HS3ST5: variants seen among roughly 807,000 people sequenced by gnomAD.
HS3ST5 encodes heparan sulfate glucosamine 3-O-sulfotransferase 5.
A neutral mutation model predicts 25.4 loss-of-function variants in HS3ST5; 10 were observed. The observed-to-expected ratio is 0.39, with a 90% CI of 0.24 to 0.67. The LOEUF (loss-of-function observed/expected upper bound fraction) is 0.67. HS3ST5 is among the 30% of genes least tolerant of loss of function. The probability of loss-of-function intolerance (pLI) is 0.44; values close to 1 mark genes in which losing one functional copy is unlikely to be tolerated. For missense variants in HS3ST5, 324 were observed against 420.7 expected (o/e 0.77, Z 2.01); for synonymous variants, 170 against 162.4 (o/e 1.05, Z -0.36).
chr6:114,183,000 T>A (rs1244499349), intron 2 of HS3ST5, among the ~76,000 whole-genome samples: 1 of 152,082 alleles, frequency 6.6e-6, no homozygotes, highest in Non-Finnish European at 1.5e-5. Flanking sequence ...ATTGTTCATC[T>A]TCTACCCTTG....
chr6:114,145,900 T>C (rs1219258039), intron 3 of HS3ST5, among the ~76,000 whole-genome samples: 1 of 152,204 alleles, frequency 6.6e-6, no homozygotes, highest in African/African-American at 2.4e-5. Flanking sequence ...GTGATCTTAA[T>C]TGAACTGATA....
rs1775331427 is a variant in HS3ST5 at position 114,094,782 on chromosome 6, T to A, written c.-32-31905A>T. Among the ~76,000 whole-genome samples, 3 of 152,326 alleles carry A rather than the reference T, an allele frequency of 2.0e-5. No homozygotes were observed. In the South Asian group the frequency reaches 6.2e-4, roughly 32 times the overall value. On this transcript the variant is annotated intron_variant, in intron 3 of 4. Transcript: ENST00000312719. ...CCTCCCCGTGAGTATGGGCAGAACC[T>A]GTGACTTGTGTCTAGCCCACATAGC...
chr6:114,214,218 A>G (rs1781647038), intron 2 of HS3ST5, among the ~76,000 whole-genome samples: 1 of 152,254 alleles, frequency 6.6e-6, no homozygotes, highest in South Asian at 2.1e-4. Context: ...GACAAGTTGC[A>G]GAGTTCCTGT....
Position 114,098,426 on chromosome 6 carries a change from G to C in HS3ST5, c.-32-35549C>G, listed in dbSNP as rs930116928. 2.0e-5 allele frequency among the ~76,000 whole-genome samples: 3 copies of C among 149,830 alleles called. No individual in the cohort carries two copies. The East Asian group carries it at 5.8e-4, about 29-fold the overall frequency. ...ATGTATTAATATTATATTAAATATA[G>C]ATGATAAATTAATATTGTCTATATT... On this transcript the variant is annotated intron_variant, in intron 3 of 4. Transcript: ENST00000312719.
intron 1 of HS3ST5, among the ~76,000 whole-genome samples, chr6:114,338,642 T>A (rs1239388237): frequency 6.6e-6 from 1 of 152,104 alleles, no homozygotes; most frequent in Non-Finnish European, 1.5e-5. Context: ...TGAAATGTTT[T>A]TTACTTAGAT....
chr6:114,266,931 C>G (rs772402841), intron 1 of HS3ST5, among the ~76,000 whole-genome samples: 102 of 152,262 alleles, frequency 6.7e-4, no homozygotes, highest in Non-Finnish European at 1.1e-3. Context: ...TCAAGATACA[C>G]TTTTTGGTAC....
chr6:114,079,665 G>T (rs983076363), intron 3 of HS3ST5, among the ~76,000 whole-genome samples: 3 of 152,194 alleles, frequency 2.0e-5, no homozygotes, highest in African/African-American at 7.2e-5. Flanking sequence ...GTTCTTAATA[G>T]CAGCTAGAAT....
At chr6:114,195,857 C>T (rs1401014279) in intron 2 of HS3ST5, among the ~76,000 whole-genome samples, 1 of 152,098 alleles carries the variant, frequency 6.6e-6, no homozygotes, top group African/African-American at 2.4e-5. Context: ...GGAACTTGTA[C>T]AGAAGGCCTT....
chr6:114,068,017 C>T (rs1348803584), intron 3 of HS3ST5, among the ~76,000 whole-genome samples: 1 of 151,496 alleles, frequency 6.6e-6, no homozygotes, highest in Non-Finnish European at 1.5e-5. Flanking sequence ...GTGCATTGTG[C>T]AAAAATGAAA....
At chr6:114,092,067 G>A (rs761675695) in intron 3 of HS3ST5, among the ~76,000 whole-genome samples, 7 of 152,176 alleles carry the variant, frequency 4.6e-5, no homozygotes, top group Non-Finnish European at 8.8e-5. Context: ...GATTCAACAG[G>A]CCAAAAAGAG....
intron 4 of HS3ST5, 33 bp from the exon 5 acceptor site, chr6:114,058,223 T>C (rs1242307270): frequency 6.6e-7 from 1 of 1,503,850 alleles, no homozygotes. Context: ...TTAAGCTCAT[T>C]GCAACTAACT....
At chr6:114,277,431 T>C (rs1773909403) in intron 1 of HS3ST5, among the ~76,000 whole-genome samples, 1 of 147,738 alleles carries the variant, frequency 6.8e-6, no homozygotes, top group Admixed American at 6.7e-5. Context: ...ACATTACTTT[T>C]AATGGCAAAA....
rs751601233 is a variant in HS3ST5, at chr6:114,057,681, G to A, written c.617C>T (p.Thr206Ile). ...GGCCAGCTTCTCAAACTTGTAATAA[G>A]TTTTGTTCTTCCTCTCCTTCCCCTC... Reference protein sequence around the residue: ...VLEGKERKNKTYYKFEKLAID... With the variant: ...VLEGKERKNKIYYKFEKLAID... The change falls in exon 5 of 5, where the codon ACT becomes ATT. Residue 206 changes from threonine (T) to isoleucine (I), a missense_variant. Physicochemically the swap from Thr to Ile is moderately conservative, Grantham distance 89 (BLOSUM62 -1). This residue lies in a region of HS3ST5 where 203 missense variants were observed against 303.4 expected (regional missense o/e 0.67). Coordinates refer to ENST00000312719, the MANE Select transcript of HS3ST5 (RefSeq NM_153612.4). 2 of 1,614,160 alleles carry A rather than the reference G, an allele frequency of 1.2e-6. No individual in the cohort carries two copies. Among genetic ancestry groups the A allele is most frequent in the South Asian group, 2.2e-5 (2 of 91,084 alleles).
At chr6:114,299,426 T>C (rs1052099251) in intron 1 of HS3ST5, among the ~76,000 whole-genome samples, 3 of 152,164 alleles carry the variant, frequency 2.0e-5, no homozygotes, top group African/African-American at 4.8e-5. Flanking sequence ...TTCTATTACC[T>C]TGTGAAGTAT....
intron 2 of HS3ST5, among the ~76,000 whole-genome samples, chr6:114,218,818 AT>A (rs890861636): frequency 1.3e-4 from 20 of 150,656 alleles, no homozygotes; most frequent in East Asian, 9.7e-4. Context: ...TTTTAAATCT[AT>A]TTTTTTTTGC....
In HS3ST5 at chr6:114,248,217, A is replaced by ATAT. The variant is rs1554221874; in HGVS notation, c.-338-19440_-338-19439insATA. 4.6e-3 allele frequency among the ~76,000 whole-genome samples: 654 copies of ATAT among 143,144 alleles called. 5 individuals are homozygous for ATAT. Among genetic ancestry groups the ATAT allele is most frequent in the Middle Eastern group, 7.5e-3 (2 of 268 alleles). 93.9% of individuals were successfully genotyped at this position (143,144 alleles called of 152,430 possible). On this transcript the variant is annotated intron_variant, in intron 1 of 4. Transcript: ENST00000312719. ...TTCCATCTCAAAAAATGAAAAAAAA[A>ATAT]ATATATATATATATATATATAAAAT...
chr6:114,170,025 G>A (rs538678889), intron 2 of HS3ST5, among the ~76,000 whole-genome samples: 1 of 152,260 alleles, frequency 6.6e-6, no homozygotes, highest in South Asian at 2.1e-4. Context: ...GCTGTGAGTA[G>A]ATACACTTCA....
chr6:114,256,223 C>T (rs1487348911), intron 1 of HS3ST5, among the ~76,000 whole-genome samples: 1 of 151,960 alleles, frequency 6.6e-6, no homozygotes, highest in Admixed American at 6.5e-5. Context: ...CTCGTCTCTA[C>T]TAAAAACACA....
chr6:114,260,450 C>T (rs1450029535), intron 1 of HS3ST5, among the ~76,000 whole-genome samples: 1 of 152,134 alleles, frequency 6.6e-6, no homozygotes, highest in Non-Finnish European at 1.5e-5. Context: ...TCACTTTGCT[C>T]TTTTAACAGT....
Sources: allele counts gnomAD v4.1 joint callset (sites outside exome capture counted in the v4.1 genomes callset), GRCh38; gene constraint gnomAD v4.1.1; regional missense constraint gnomAD v4.1.1; transcripts MANE v1.5; gene names NCBI Gene and HGNC (gene_info 2026-07-23, HGNC 2026-07-21).